The following SERPINI2 variants were observed in gnomAD, a reference collection of about 807,000 sequenced individuals.
SERPINI2 encodes the protein serpin I2.
Under a neutral mutation model 47.3 loss-of-function variants are expected in SERPINI2, and 48 were observed. The observed-to-expected ratio is 1.02, with a 90% CI of 0.81 to 1.29. The LOEUF is 1.29. SERPINI2 is among the 50% of genes most tolerant of loss of function. The pLI, the probability that SERPINI2 is intolerant of heterozygous loss-of-function variation, is 0.00. For synonymous variants in SERPINI2, 135 were observed against 149.3 expected (o/e 0.90, Z 0.70); for missense variants, 448 against 456.9 (o/e 0.98, Z 0.18).
At chr3:167,453,932 T>A (rs1749714633) in intron 5 of SERPINI2, among the ~76,000 whole-genome samples, 1 of 152,234 alleles carries the variant, frequency 6.6e-6, no homozygotes, top group Admixed American at 6.5e-5. Flanking sequence ...AAAGCATTAA[T>A]TTGCATTTTA....
At chr3:167,446,029 C>A (rs1749468896) in intron 8 of SERPINI2, among the ~76,000 whole-genome samples, 1 of 152,184 alleles carries the variant, frequency 6.6e-6, no homozygotes, top group Non-Finnish European at 1.5e-5. Context: ...CATACACAGA[C>A]AGTTGACCTT....
chr3:167,465,761 C>T, intron 3 of SERPINI2, 88 bp from the exon 4 acceptor site: 1 of 1,154,116 alleles, frequency 8.7e-7, no homozygotes, highest in East Asian at 2.5e-5. Flanking sequence ...GCAAAAGTGT[C>T]TTTTGCAGAT....
Position 167,453,814 on chromosome 3 carries a change from C to T in SERPINI2, c.867-781G>A, listed in dbSNP as rs1749711447. Among the ~76,000 whole-genome samples, 3 of 151,980 alleles carry T rather than the reference C, an allele frequency of 2.0e-5. No individual in the cohort carries two copies. The South Asian group carries it at 6.2e-4, about 32-fold the overall frequency. ...TAATCCCAAAAGATTTTCTCAGCCA[C>T]TGATCTTCCACGATTCCAAGTCAAA... On this transcript the variant is annotated intron_variant, in intron 5 of 8. Transcript: ENST00000264677.
At chr3:167,449,918 G>T (rs1012980512) in intron 6 of SERPINI2, among the ~76,000 whole-genome samples, 1 of 152,222 alleles carries the variant, frequency 6.6e-6, no homozygotes, top group African/African-American at 2.4e-5. Context: ...TATATACAGA[G>T]AGAGATCAAG....
At chr3:167,473,807 G>T in intron 1 of SERPINI2, 196 bp downstream of exon 1, 1 of 1,429,172 alleles carries the variant, frequency 7.0e-7, no homozygotes, top group South Asian at 1.6e-5. Flanking sequence ...CTGATGAATA[G>T]TCCTATAAGA....
intron 7 of SERPINI2, among the ~76,000 whole-genome samples, chr3:167,447,546 C>T (rs35210296): frequency 0.09 from 13,697 of 152,138 alleles, 639 homozygotes; most frequent in Non-Finnish European, 0.11. Flanking sequence ...AAATTTTAGA[C>T]TTAAAATGAG....
At chr3:167,453,344 CTTCT>C (rs1405470151) in intron 5 of SERPINI2, among the ~76,000 whole-genome samples, 2 of 152,084 alleles carry the variant, frequency 1.3e-5, no homozygotes, top group East Asian at 3.9e-4. Flanking sequence ...AATTGCTTGG[CTTCT>C]TTCTAACAAG....
At chr3:167,453,792 TC>T (rs1749711118) in intron 5 of SERPINI2, among the ~76,000 whole-genome samples, 1 of 150,906 alleles carries the variant, frequency 6.6e-6, no homozygotes, top group African/African-American at 2.4e-5. Flanking sequence ...AACCAGATAA[TC>T]CCAAAAGATT....
chr3:167,473,321 G>A (rs1255615382), intron 1 of SERPINI2, among the ~76,000 whole-genome samples: 1 of 151,688 alleles, frequency 6.6e-6, no homozygotes, highest in Non-Finnish European at 1.5e-5. Context: ...GCTTATAAAT[G>A]AGAGTGCAAC....
intron 8 of SERPINI2, among the ~76,000 whole-genome samples, chr3:167,443,254 C>T (rs1261444614): frequency 1.3e-5 from 2 of 152,046 alleles, no homozygotes; most frequent in African/African-American, 2.4e-5. Context: ...ACTATAGGTG[C>T]CCGCCACCAC....
chr3:167,459,078 G>GTTTGTTTTTTTTTTTTTT (rs1560233541), intron 5 of SERPINI2, among the ~76,000 whole-genome samples: 40 of 139,018 alleles, frequency 2.9e-4, no homozygotes, highest in African/African-American at 1.0e-3. Context: ...GTTTTTTTTT[G>GTTTGTTTTTTTTTTTTTT]TTTTTTTTTT....
intron 5 of SERPINI2, among the ~76,000 whole-genome samples, chr3:167,461,971 T>C (rs937435552): frequency 6.6e-6 from 1 of 151,934 alleles, no homozygotes; most frequent in Admixed American, 6.6e-5. Flanking sequence ...TGGAAGAAAA[T>C]CTGGGTCACC....
intron 5 of SERPINI2, among the ~76,000 whole-genome samples, chr3:167,460,423 T>G (rs1749951515): frequency 6.6e-6 from 1 of 152,204 alleles, no homozygotes; most frequent in African/African-American, 2.4e-5. Flanking sequence ...TTTTAATCCA[T>G]GATTTTGGTG....
chr3:167,450,582 G>T (rs1749614213), intron 6 of SERPINI2, among the ~76,000 whole-genome samples: 1 of 152,180 alleles, frequency 6.6e-6, no homozygotes, highest in Non-Finnish European at 1.5e-5. Context: ...ATGCATCTGA[G>T]TATGTCTAGT....
intron 5 of SERPINI2, among the ~76,000 whole-genome samples, chr3:167,455,475 G>T (rs1749758826): frequency 6.6e-6 from 1 of 151,796 alleles, no homozygotes; most frequent in African/African-American, 2.4e-5. Context: ...AAAAAGTCTT[G>T]GATCAATTTC....
At chr3:167,469,595 A>G (rs528915528) in intron 2 of SERPINI2, 15 of 152,266 alleles carry the variant, frequency 9.9e-5, no homozygotes, top group African/African-American at 3.6e-4. Context: ...TGGAAAAAAG[A>G]AGCACATTGA....
intron 8 of SERPINI2, 43 bp downstream of exon 8, chr3:167,446,349 C>T: frequency 7.5e-7 from 1 of 1,332,208 alleles, no homozygotes; most frequent in Non-Finnish European, 1.1e-6. Flanking sequence ...ACTAGTTCTG[C>T]TTAACATAAT....
At chr3:167,449,693 C>T (rs1310260596) in intron 6 of SERPINI2, among the ~76,000 whole-genome samples, 1 of 91,556 alleles carries the variant, frequency 1.1e-5, no homozygotes, top group Non-Finnish European at 2.0e-5. Context: ...GGGGTTTCGG[C>T]ATGTTGGCCA....
intron 8 of SERPINI2, among the ~76,000 whole-genome samples, chr3:167,443,264 C>T (rs925376516): frequency 3.9e-5 from 6 of 152,060 alleles, no homozygotes; most frequent in Admixed American, 2.0e-4. Context: ...CCCGCCACCA[C>T]GCCTGGCTAA....
Sources: gnomAD v4.1 joint callset for allele counts (sites outside exome capture counted in the v4.1 genomes callset) on GRCh38, gnomAD v4.1.1 for gene constraint, MANE v1.5 for transcripts, NCBI Gene and HGNC (gene_info 2026-07-23, HGNC 2026-07-21) for gene names.